Variants in CSTPP1 observed in about 807,000 individuals in gnomAD.
CSTPP1 encodes the protein UPF0705 protein C11orf49.
the CSTPP1 span, among the ~76,000 whole-genome samples, chr11:47,005,478 A>G: frequency 6.6e-6 from 1 of 152,222 alleles, no homozygotes; most frequent in Non-Finnish European, 1.5e-5. Flanking sequence ...ATTAAGTTAT[A>G]TGGCCCAGTA....
At chr11:47,031,612 G>A in the CSTPP1 span, among the ~76,000 whole-genome samples, 18 of 152,026 alleles carry the variant, frequency 1.2e-4, no homozygotes, top group African/African-American at 4.1e-4. Flanking sequence ...CAGGGGGATC[G>A]CTTCAGCCCA....
the CSTPP1 span, among the ~76,000 whole-genome samples, chr11:46,997,488 C>G: frequency 6.6e-6 from 1 of 152,264 alleles, no homozygotes; most frequent in East Asian, 1.9e-4. Flanking sequence ...AGCTTCTTTG[C>G]GATGGATTCG....
the CSTPP1 span, among the ~76,000 whole-genome samples, chr11:47,126,030 A>G: frequency 3.3e-5 from 5 of 151,842 alleles, no homozygotes; most frequent in Admixed American, 3.3e-4. Context: ...AAAAAAAAAA[A>G]GTGGGAAGTA....
chr11:47,004,071 T>C, the CSTPP1 span, among the ~76,000 whole-genome samples: 1 of 152,202 alleles, frequency 6.6e-6, no homozygotes, highest in African/African-American at 2.4e-5. Context: ...GTCTTCCTTT[T>C]CTCTCTCTTT....
At chr11:46,988,941 T>G in the CSTPP1 span, among the ~76,000 whole-genome samples, 25 of 152,130 alleles carry the variant, frequency 1.6e-4, no homozygotes, top group Non-Finnish European at 3.4e-4. Flanking sequence ...ATTTGAAAGG[T>G]CATACCTAGG....
the CSTPP1 span, among the ~76,000 whole-genome samples, chr11:47,044,550 A>G: frequency 3.9e-5 from 6 of 152,218 alleles, no homozygotes; most frequent in African/African-American, 1.4e-4. Flanking sequence ...GAAGACAGGT[A>G]AGAGGCATTA....
the CSTPP1 span, among the ~76,000 whole-genome samples, chr11:47,098,317 TA>T: frequency 4.2e-4 from 61 of 146,730 alleles, no homozygotes; most frequent in South Asian, 8.7e-4. Context: ...AAAATAAATT[TA>T]AAAAAAAAAT....
the CSTPP1 span, among the ~76,000 whole-genome samples, chr11:47,017,650 C>CAT: frequency 6.7e-6 from 1 of 149,318 alleles, no homozygotes; most frequent in Admixed American, 6.8e-5. Context: ...TATCCATGGA[C>CAT]TTATACAATA....
At chr11:46,947,028 GAT>G in the CSTPP1 span, among the ~76,000 whole-genome samples, 2 of 152,182 alleles carry the variant, frequency 1.3e-5, no homozygotes, top group Non-Finnish European at 2.9e-5. Flanking sequence ...AATGAAAAAG[GAT>G]GATTAAATCT....
the CSTPP1 span, among the ~76,000 whole-genome samples, chr11:46,966,864 A>G: frequency 6.6e-6 from 1 of 152,202 alleles, no homozygotes; most frequent in Non-Finnish European, 1.5e-5. Flanking sequence ...CAAAATATGC[A>G]AACTGGGGTG....
the CSTPP1 span, among the ~76,000 whole-genome samples, chr11:46,969,913 C>G: frequency 1.3e-5 from 2 of 152,116 alleles, no homozygotes; most frequent in Non-Finnish European, 2.9e-5. Flanking sequence ...TACAGGTGCA[C>G]TTCACCACAC....
chr11:47,021,567 T>TA, the CSTPP1 span, among the ~76,000 whole-genome samples: 1 of 152,202 alleles, frequency 6.6e-6, no homozygotes, highest in Non-Finnish European at 1.5e-5. Context: ...CAGCTTGAGT[T>TA]ACAGCTAGCT....
chr11:47,148,914 C>T, the CSTPP1 span, among the ~76,000 whole-genome samples: 2 of 152,270 alleles, frequency 1.3e-5, no homozygotes, highest in South Asian at 4.1e-4. Flanking sequence ...AAAACCGGTG[C>T]AGCCCGTGCC....
chr11:46,996,644 C>T, the CSTPP1 span, among the ~76,000 whole-genome samples: 1 of 152,148 alleles, frequency 6.6e-6, no homozygotes, highest in Non-Finnish European at 1.5e-5. Context: ...TTAGTTGATG[C>T]AGTTTCTTCC....
chr11:47,086,712 TTGAA>T, the CSTPP1 span, among the ~76,000 whole-genome samples: 10 of 152,104 alleles, frequency 6.6e-5, no homozygotes, highest in Non-Finnish European at 1.5e-4. Context: ...ATTGGTAAAA[TTGAA>T]ATAAGAGAAA....
chr11:47,002,622 T>G, the CSTPP1 span, among the ~76,000 whole-genome samples: 1 of 151,464 alleles, frequency 6.6e-6, no homozygotes, highest in Non-Finnish European at 1.5e-5. Flanking sequence ...AAGACCTTGT[T>G]CCCCCCACCC....
At chr11:47,006,574 C>T in the CSTPP1 span, among the ~76,000 whole-genome samples, 2 of 151,302 alleles carry the variant, frequency 1.3e-5, no homozygotes, top group Non-Finnish European at 2.9e-5. Flanking sequence ...GTTCTACTCT[C>T]TCTCTGTCTC....
chr11:46,975,161 C>T, the CSTPP1 span, among the ~76,000 whole-genome samples: 299 of 151,934 alleles, frequency 2.0e-3, no homozygotes, highest in African/African-American at 7.1e-3. Context: ...CTTGTAATCC[C>T]AGCTGCTCAG....
chr11:47,016,396 A>AAC, the CSTPP1 span, among the ~76,000 whole-genome samples: 1 of 140,692 alleles, frequency 7.1e-6, no homozygotes, highest in African/African-American at 2.9e-5. Context: ...TCTACAAAAA[A>AAC]CAAAAAACAA....
Sources: allele counts gnomAD v4.1 joint callset (sites outside exome capture counted in the v4.1 genomes callset), GRCh38; gene constraint gnomAD v4.1.1; transcripts MANE v1.5; gene names NCBI Gene and HGNC (gene_info 2026-07-23, HGNC 2026-07-21).